Variants in ANO6 observed in about 807,000 individuals in gnomAD.
ANO6 encodes anoctamin 6.
In ANO6, 106 loss-of-function variants were observed where a neutral mutation model predicts 117.5. The ratio of observed to expected loss-of-function variants is 0.90; its 90% CI spans 0.77 to 1.06. The LOEUF (loss-of-function observed/expected upper bound fraction) is 1.06, where lower values mean the gene tolerates loss of function less well. ANO6 is among the 50% of genes least tolerant of loss of function. The probability of loss-of-function intolerance (pLI) is 0.00; values close to 1 mark genes in which losing one functional copy is unlikely to be tolerated. For synonymous variants in ANO6, 367 were observed against 385.1 expected (o/e 0.95, Z 0.55); for missense variants, 955 against 1,121.1 (o/e 0.85, Z 2.12).
At chr12:45,295,740 T>C (rs2137290311) in intron 1 of ANO6, among the ~76,000 whole-genome samples, 1 of 152,264 alleles carries the variant, frequency 6.6e-6, no homozygotes, top group East Asian at 1.9e-4. Flanking sequence ...TTTTAATTTT[T>C]AGTAGAGACG....
intron 1 of ANO6, among the ~76,000 whole-genome samples, chr12:45,258,972 G>C (rs1022701067): frequency 2.0e-5 from 3 of 152,186 alleles, no homozygotes; most frequent in African/African-American, 7.2e-5. Context: ...AAAATGGTGG[G>C]ACAGGAAGAG....
At chr12:45,313,072 G>GT (rs1453438983) in intron 2 of ANO6, 1 of 152,048 alleles carries the variant, frequency 6.6e-6, no homozygotes, top group African/African-American at 2.4e-5. Context: ...TACCTTAAGT[G>GT]TTTTTAAAAA....
intron 1 of ANO6, among the ~76,000 whole-genome samples, chr12:45,276,342 C>A (rs562165145): frequency 6.6e-6 from 1 of 152,256 alleles, no homozygotes; most frequent in East Asian, 1.9e-4. Flanking sequence ...TGGTGTGGTG[C>A]CATCCCATTG....
In ANO6 at chr12:45,431,969, A is replaced by G. The variant is rs1943642672; in HGVS notation, c.*2658A>G. 1.0e-6 allele frequency: 1 copy of G among 985,390 alleles called. No homozygotes were observed. Among genetic ancestry groups the G allele is most frequent in the African/African-American group, 1.7e-5 (1 of 57,374 alleles). 61.0% of individuals were successfully genotyped at this position (985,390 alleles called of 1,614,324 possible). ...TAGCTATATATCATTAGAAAGGGAA[A>G]GCTATCATTTTTATTTTAAAACTAA... is the stretch of plus-strand genomic sequence containing the variant. On this transcript the variant is annotated 3_prime_UTR_variant, in exon 20 of 20. Transcript: ENST00000320560.
At chr12:45,411,520 G>T (rs1408064196) in intron 16 of ANO6, among the ~76,000 whole-genome samples, 3 of 152,088 alleles carry the variant, frequency 2.0e-5, no homozygotes, top group African/African-American at 7.2e-5. Flanking sequence ...CTTTTGAATT[G>T]TTTTCATTTC....
intron 1 of ANO6, among the ~76,000 whole-genome samples, chr12:45,278,493 A>T (rs1284497135): frequency 6.6e-6 from 1 of 152,102 alleles, no homozygotes; most frequent in Non-Finnish European, 1.5e-5. Flanking sequence ...ACTTTATTGA[A>T]CATTTCCTGA....
intron 2 of ANO6, among the ~76,000 whole-genome samples, chr12:45,304,302 A>G (rs1306704117): frequency 6.6e-6 from 1 of 152,222 alleles, no homozygotes; most frequent in Non-Finnish European, 1.5e-5. Context: ...TTACAGCGTC[A>G]GTGAAAATGG....
chr12:45,251,886 G>C (rs1937636208), intron 1 of ANO6, among the ~76,000 whole-genome samples: 1 of 152,180 alleles, frequency 6.6e-6, no homozygotes, highest in South Asian at 2.1e-4. Context: ...TCTGCCCTCT[G>C]AGTGAATACT....
chr12:45,390,628 A>G (rs893804187), intron 12 of ANO6, 130 bp downstream of exon 12: 9 of 822,682 alleles, frequency 1.1e-5, no homozygotes, highest in African/African-American at 1.7e-5. Context: ...TCTCAGAGAG[A>G]CAGACAGATA....
intron 9 of ANO6, among the ~76,000 whole-genome samples, chr12:45,375,913 C>T (rs1941999532): frequency 6.7e-6 from 1 of 148,706 alleles, no homozygotes; most frequent in African/African-American, 2.5e-5. Context: ...TCAGAGTGAA[C>T]AGGCAACCTA....
At chr12:45,421,301 T>G in intron 18 of ANO6, 28 bp downstream of exon 18, 2 of 1,604,772 alleles carry the variant, frequency 1.2e-6, no homozygotes, top group Non-Finnish European at 1.7e-6. Flanking sequence ...TGTTTAAAAA[T>G]GCACTTCATC....
intron 1 of ANO6, among the ~76,000 whole-genome samples, chr12:45,264,113 G>A (rs190519985): frequency 2.0e-5 from 3 of 152,302 alleles, no homozygotes; most frequent in Non-Finnish European, 4.4e-5. Context: ...AGGGGTTATA[G>A]CTCATATCTC....
chr12:45,285,143 A>T (rs993090796), intron 1 of ANO6, among the ~76,000 whole-genome samples: 4 of 152,216 alleles, frequency 2.6e-5, no homozygotes, highest in Non-Finnish European at 4.4e-5. Context: ...GAATATAATC[A>T]CATGATTGAA....
intron 3 of ANO6, among the ~76,000 whole-genome samples, chr12:45,340,935 GA>G (rs1171996830): frequency 6.6e-6 from 1 of 152,102 alleles, no homozygotes; most frequent in Non-Finnish European, 1.5e-5. Flanking sequence ...GACAAACCAA[GA>G]AAACTGGTTT....
At chr12:45,244,568 G>A (rs1489191076) in intron 1 of ANO6, among the ~76,000 whole-genome samples, 2 of 152,102 alleles carry the variant, frequency 1.3e-5, no homozygotes, top group African/African-American at 4.8e-5. Flanking sequence ...TGATCCAAAA[G>A]GGGACTGGAT....
chr12:45,330,754 C>G (rs774433637), intron 2 of ANO6, among the ~76,000 whole-genome samples: 1 of 152,000 alleles, frequency 6.6e-6, no homozygotes, highest in Admixed American at 6.6e-5. Context: ...ACTAGTGCAG[C>G]TTTTGTTTAT....
At chr12:45,397,354 A>T (rs539386646) in intron 12 of ANO6, among the ~76,000 whole-genome samples, 14 of 152,204 alleles carry the variant, frequency 9.2e-5, no homozygotes, top group Non-Finnish European at 1.8e-4. Context: ...GCTGGATAGG[A>T]TGTGGAGAAA....
chr12:45,302,049 T>C lies in ANO6; in HGVS notation c.106T>C (p.Leu36=). Residue 36 remains leucine (L), a synonymous_variant, in exon 2 of 20, where the codon TTG becomes CTG. Coordinates refer to ENST00000320560, the MANE Select transcript of ANO6 (RefSeq NM_001025356.3). ...ENLGQTIVPD[L]GSLESQHDFR... is the part of the protein sequence containing the mutation. ...CCTTGGACAGACAATTGTCCCCGAT[T>C]TGGGATCACTGGAAAGTCAGCATGA... 6.2e-7 allele frequency: 1 copy of C among 1,613,998 alleles called. No individual in the cohort carries two copies. Among genetic ancestry groups the C allele is most frequent in the Non-Finnish European group, 8.5e-7 (1 of 1,179,886 alleles).
rs141859522 is a variant in ANO6 at position 45,238,869 on chromosome 12, C to T, written c.70+22478C>T. On this transcript the variant is annotated intron_variant, in intron 1 of 19. Transcript: ENST00000320560. ...TATTGATTTGTGTATGTTAAACTAG[C>T]CTTGCATCCCAGGGATGAAGCTGAT... Among the ~76,000 whole-genome samples the T allele has an allele frequency of 5.6e-3, 847 of 152,232 alleles. 11 individuals are homozygous for T. Among genetic ancestry groups the T allele is most frequent in the African/African-American group, 0.02 (812 of 41,516 alleles).
Sources: gnomAD v4.1 joint callset for allele counts (sites outside exome capture counted in the v4.1 genomes callset) on GRCh38, gnomAD v4.1.1 for gene constraint, MANE v1.5 for transcripts, NCBI Gene and HGNC (gene_info 2026-07-23, HGNC 2026-07-21) for gene names.